Variants in EPHB1 observed in about 807,000 individuals in gnomAD.
EPHB1 encodes EPH receptor B1, also known as ephrin type-B receptor 1.
In EPHB1, 30 loss-of-function variants were observed where a neutral mutation model predicts 94.4. The observed-to-expected ratio is 0.32, with a 90% confidence interval of 0.24 to 0.43. The LOEUF (loss-of-function observed/expected upper bound fraction) is 0.43. Among genes scored for constraint, EPHB1 ranks in the 20% least tolerant of loss-of-function variants. EPHB1 has a pLI of 1.00. For synonymous variants in EPHB1, 522 were observed against 489.1 expected, an observed-to-expected ratio of 1.07 and a Z score of -0.89; for missense variants, 1,055 against 1,308.3, an observed-to-expected ratio of 0.81 and a Z score of 2.99.
chr3:134,837,895 C>T (rs894927553), intron 1 of EPHB1, among the ~76,000 whole-genome samples: 4 of 152,182 alleles, frequency 2.6e-5, no homozygotes, highest in Non-Finnish European at 5.9e-5. Flanking sequence ...AGCAGTCATA[C>T]CTCCTGTCTC....
chr3:135,120,052 G>A (rs1403277712), intron 4 of EPHB1, among the ~76,000 whole-genome samples: 2 of 152,154 alleles, frequency 1.3e-5, no homozygotes, highest in Non-Finnish European at 1.5e-5. Context: ...GGTGAACTAA[G>A]TCTCTGTATA....
At chr3:134,939,169 A>G (rs55676943) in intron 2 of EPHB1, among the ~76,000 whole-genome samples, 2,976 of 152,264 alleles carry the variant, frequency 0.02, 51 homozygotes, top group South Asian at 0.035. Context: ...GTGATATTCC[A>G]GTTATGTCCC....
At chr3:135,233,715 C>T (rs1473301175) in intron 12 of EPHB1, among the ~76,000 whole-genome samples, 1 of 152,256 alleles carries the variant, frequency 6.6e-6, no homozygotes, top group Non-Finnish European at 1.5e-5. Context: ...CTGCAGCAAA[C>T]TTCTGCCTGG....
intron 6 of EPHB1, among the ~76,000 whole-genome samples, chr3:135,156,260 C>T (rs528573797): frequency 5.3e-4 from 81 of 151,898 alleles, no homozygotes; most frequent in African/African-American, 1.7e-3. Context: ...GGGAGGGGAC[C>T]GGGTGAAGAT....
chr3:135,247,804 G>A (rs1216832730), intron 13 of EPHB1, among the ~76,000 whole-genome samples: 2 of 152,174 alleles, frequency 1.3e-5, no homozygotes, highest in Non-Finnish European at 2.9e-5. Context: ...TCTCTAGCAT[G>A]GAGTAAGTGC....
intron 5 of EPHB1, among the ~76,000 whole-genome samples, chr3:135,147,683 C>T (rs761228378): frequency 1.4e-4 from 21 of 152,270 alleles, no homozygotes; most frequent in Admixed American, 1.1e-3. Flanking sequence ...AGGCAGATGG[C>T]CTCCTCTTTG....
intron 1 of EPHB1, among the ~76,000 whole-genome samples, chr3:134,854,217 T>C (rs530165420): frequency 6.6e-6 from 1 of 152,272 alleles, no homozygotes; most frequent in African/African-American, 2.4e-5. Flanking sequence ...TGAATATGTG[T>C]GGACTGAACA....
chr3:134,809,382 T>TAA lies in EPHB1; in HGVS notation c.58+13699_58+13700dup, dbSNP rs1553852866. 3.3e-3 allele frequency among the ~76,000 whole-genome samples: 467 copies of TAA among 139,498 alleles called. 1 individual carries two copies. The highest frequency in any genetic ancestry group is 0.013 in the African/African-American group (444 of 34,368). 91.5% of individuals were successfully genotyped at this position (139,498 alleles called of 152,430 possible). A position where few individuals can be genotyped will look rare whatever the true frequency, so the allele number is the denominator to read the frequency against. On this transcript the variant is annotated intron_variant, in intron 1 of 15. Coordinates refer to ENST00000398015, the MANE Select transcript of EPHB1 (RefSeq NM_004441.5). ...AGAAAAAGAACAGATTTTTTTTTTTTAAAAAAACACAGTAGCACAATGCTG... is the reference window on the plus strand; with the variant it reads ...AGAAAAAGAACAGATTTTTTTTTTTTAAAAAAAAACACAGTAGCACAATGCTG...
intron 13 of EPHB1, among the ~76,000 whole-genome samples, chr3:135,243,170 C>T (rs759536385): frequency 8.6e-5 from 13 of 151,872 alleles, no homozygotes; most frequent in Non-Finnish European, 1.3e-4. Flanking sequence ...CAATTCAGCA[C>T]TTACAGAATG....
intron 5 of EPHB1, among the ~76,000 whole-genome samples, chr3:135,136,093 T>A (rs1453611063): frequency 4.6e-5 from 7 of 152,236 alleles, no homozygotes; most frequent in Non-Finnish European, 8.8e-5. Flanking sequence ...CTTGTCTGTG[T>A]CTGCCTTGTG....
chr3:135,135,475 C>A (rs1490437104), intron 5 of EPHB1, among the ~76,000 whole-genome samples: 1 of 152,156 alleles, frequency 6.6e-6, no homozygotes, highest in African/African-American at 2.4e-5. Flanking sequence ...ATGCATTTTA[C>A]CAGAGGTGGA....
At chr3:135,112,739 AT>A (rs1939510553) in intron 4 of EPHB1, among the ~76,000 whole-genome samples, 1 of 151,966 alleles carries the variant, frequency 6.6e-6, no homozygotes, top group Non-Finnish European at 1.5e-5. Context: ...TTATGGCTGC[AT>A]AGTATTCCAT....
chr3:135,090,769 A>G (rs1027896168), intron 3 of EPHB1, among the ~76,000 whole-genome samples: 1 of 152,246 alleles, frequency 6.6e-6, no homozygotes, highest in African/African-American at 2.4e-5. Flanking sequence ...CTGTCAAGAC[A>G]GCTCTGATAA....
At chr3:134,822,233 A>G (rs541038442) in intron 1 of EPHB1, among the ~76,000 whole-genome samples, 2 of 152,132 alleles carry the variant, frequency 1.3e-5, no homozygotes, top group Admixed American at 6.5e-5. Context: ...ATGCTGCTAC[A>G]CTGGCTGTGC....
chr3:135,208,199 C>G (rs1942948459), intron 12 of EPHB1, among the ~76,000 whole-genome samples: 1 of 151,864 alleles, frequency 6.6e-6, no homozygotes, highest in African/African-American at 2.4e-5. Flanking sequence ...AGGAAGCATC[C>G]AAGGAGGCCT....
At position 135,259,134 on chromosome 3, in the gene EPHB1, T is replaced by G. The variant is rs1321493663; in HGVS notation, c.*14T>G. The G allele has an allele frequency of 6.3e-7, 1 of 1,592,488 alleles. No individual in the cohort carries two copies. The highest frequency in any genetic ancestry group is 8.6e-7 in the Non-Finnish European group (1 of 1,167,190). ...GCAATGGCATGAGAACTCTTGTTTC[T>G]TGGGGAAGGAGAGGAGGGAAAAGGA... On this transcript the variant is annotated 3_prime_UTR_variant, in exon 16 of 16. Coordinates refer to ENST00000398015, the MANE Select transcript of EPHB1 (RefSeq NM_004441.5).
chr3:135,229,155 C>G (rs543088855), intron 12 of EPHB1, among the ~76,000 whole-genome samples: 1 of 152,348 alleles, frequency 6.6e-6, no homozygotes, highest in East Asian at 1.9e-4. Flanking sequence ...GGAGGGCAGA[C>G]AGCCCAGAGA....
chr3:135,121,173 C>A (rs113539709), intron 4 of EPHB1, among the ~76,000 whole-genome samples: 1 of 152,154 alleles, frequency 6.6e-6, no homozygotes, highest in Admixed American at 6.5e-5. Flanking sequence ...GAGTGGCTTG[C>A]GAGGAGCTGA....
At chr3:134,795,857 C>T (rs1394518291) in intron 1 of EPHB1, among the ~76,000 whole-genome samples, 168 bp downstream of exon 1, 3 of 152,198 alleles carry the variant, frequency 2.0e-5, no homozygotes, top group African/African-American at 7.2e-5. Flanking sequence ...GGGGCTTGGG[C>T]GGCACCCACC....
Sources: allele counts gnomAD v4.1 joint callset (sites outside exome capture counted in the v4.1 genomes callset), GRCh38; gene constraint gnomAD v4.1.1; transcripts MANE v1.5; gene names NCBI Gene and HGNC (gene_info 2026-07-23, HGNC 2026-07-21).